The following PHIP variants were observed in gnomAD, a reference collection of about 807,000 sequenced individuals.
The protein encoded by PHIP is PH-interacting protein.
PHIP carries 54 observed loss-of-function variants against 236.8 expected under a neutral mutation model. That is an observed-to-expected ratio of 0.23 (90% CI 0.18 to 0.29). PHIP has a LOEUF of 0.29. Among genes scored for constraint, PHIP ranks in the 10% least tolerant of loss-of-function variants. The probability of loss-of-function intolerance (pLI) is 1.00; values close to 1 mark genes in which losing one functional copy is unlikely to be tolerated. For missense variants in PHIP, 1,370 were observed against 2,190.8 expected, an observed-to-expected ratio of 0.63 and a Z score of 7.48; for synonymous variants, 756 against 718.9, an observed-to-expected ratio of 1.05 and a Z score of -0.83.
Position 78,937,605 on chromosome 6 carries a change from AAGAC to A in PHIP, c.*3084_*3087del, listed in dbSNP as rs1773323584. 1 of 151,768 alleles carries A rather than the reference AAGAC, an allele frequency of 6.6e-6. No homozygotes were observed. The highest frequency in any genetic ancestry group is 1.5e-5 in the Non-Finnish European group (1 of 67,680). The allele number at this position is 151,768 out of a possible 1,614,324, so 9.4% of individuals were successfully genotyped here. On this transcript the variant is annotated 3_prime_UTR_variant, in exon 40 of 40. Transcript: ENST00000275034. ...CATACTTATTTACTTGGATTGGAGG[AAGAC>A]AGTTTTATAATAATGCCAGCAGTCT...
chr6:78,990,560 C>T (rs925547548), intron 20 of PHIP, among the ~76,000 whole-genome samples: 2 of 151,988 alleles, frequency 1.3e-5, no homozygotes, highest in Non-Finnish European at 2.9e-5. Flanking sequence ...TATTTTTAGA[C>T]TGTACAAAGA....
Position 78,946,078 on chromosome 6 carries a change from G to C in PHIP, c.4553C>G (p.Thr1518Ser), listed in dbSNP as rs1188232817. The change falls in exon 38 of 40, where the codon ACT (threonine) becomes AGT (serine). Residue 1518 changes from threonine to serine, a missense_variant. Thr to Ser is a moderately conservative substitution (Grantham distance 58). Around this residue, in one of 14 missense-constraint regions of PHIP, gnomAD observed 309 missense variants for 328.3 expected, o/e 0.94. Transcript: ENST00000275034. The stretch of plus-strand genomic sequence containing the variant: ...AGCTGAAGAAGTAGATGGTTGCTCA[G>C]TGACAACTGGATCTACAACCACTCG... ...SNRVVVDPVV[T>S]EQPSTSSAAK... 1 of 1,612,926 alleles carries C rather than the reference G, an allele frequency of 6.2e-7. No homozygotes were observed. The highest frequency in any genetic ancestry group is 1.7e-5 in the Admixed American group (1 of 60,004).
chr6:79,035,911 CAT>C (rs200432635), intron 7 of PHIP, among the ~76,000 whole-genome samples: 5,593 of 152,268 alleles, frequency 0.037, 102 homozygotes, highest in Middle Eastern at 0.058. Context: ...CATTTCAACA[CAT>C]GTCTGATTTC....
chr6:79,021,550 A>G (rs1439237758), intron 9 of PHIP, among the ~76,000 whole-genome samples: 1 of 152,276 alleles, frequency 6.6e-6, no homozygotes, highest in Non-Finnish European at 1.5e-5. Context: ...AGCCATAAAA[A>G]AAGAATGAAA....
chr6:79,005,004 A>G (rs1342354653), intron 15 of PHIP, among the ~76,000 whole-genome samples: 1 of 152,104 alleles, frequency 6.6e-6, no homozygotes, highest in Non-Finnish European at 1.5e-5. Context: ...CCTCAAAAAG[A>G]AAGCTAGCTT....
chr6:78,948,685 G>A (rs750322723), intron 35 of PHIP, among the ~76,000 whole-genome samples: 1 of 152,032 alleles, frequency 6.6e-6, no homozygotes, highest in African/African-American at 2.4e-5. Context: ...TGTAGAGACG[G>A]GTCTTAGCAT....
At chr6:78,960,397 A>T (rs1330364616) in intron 31 of PHIP, among the ~76,000 whole-genome samples, 1 of 151,448 alleles carries the variant, frequency 6.6e-6, no homozygotes, top group Non-Finnish European at 1.5e-5. Flanking sequence ...TTAATTTCCA[A>T]TCTTTAGCAA....
chr6:78,992,048 G>GC (rs532948551), intron 19 of PHIP, among the ~76,000 whole-genome samples: 1 of 148,220 alleles, frequency 6.7e-6, no homozygotes, highest in Admixed American at 6.8e-5. Context: ...TGCAGGCTCT[G>GC]CCCCCCGGGG....
intron 4 of PHIP, among the ~76,000 whole-genome samples, chr6:79,070,071 T>C (rs1369578180): frequency 6.6e-6 from 1 of 152,146 alleles, no homozygotes; most frequent in African/African-American, 2.4e-5. Context: ...AGAGACTCTA[T>C]TCAGAATTGA....
chr6:79,061,091 A>G (rs1433112571), intron 4 of PHIP, among the ~76,000 whole-genome samples: 2 of 152,170 alleles, frequency 1.3e-5, no homozygotes, highest in Non-Finnish European at 2.9e-5. Flanking sequence ...ATATCTTTCA[A>G]TCATAAAATA....
chr6:78,971,025 T>A, intron 24 of PHIP, 137 bp from the exon 25 acceptor site: 1 of 614,670 alleles, frequency 1.6e-6, no homozygotes, highest in Non-Finnish European at 2.8e-6. Context: ...TCCCTCCTCC[T>A]TTCTCTCAAG....
In PHIP at chr6:78,935,378, TAGTC is replaced by T; in HGVS notation, c.*5311_*5314del. Reference sequence around the variant, plus strand: ...GTCTTCATGCTAAAATTGGGATTCTTAGTCAATAAAAATGCATGCCAATCTGACA... The same window carrying T: ...GTCTTCATGCTAAAATTGGGATTCTTAATAAAAATGCATGCCAATCTGACA... On this transcript the variant is annotated 3_prime_UTR_variant, in exon 40 of 40. Transcript: ENST00000275034. The T allele has an allele frequency of 6.3e-6, 2 of 315,846 alleles. No homozygotes were observed. The highest frequency in any genetic ancestry group is 1.3e-4 in the South Asian group (1 of 7,954). 19.6% of individuals were successfully genotyped at this position (315,846 alleles called of 1,614,324 possible).
intron 33 of PHIP, 135 bp from the exon 34 acceptor site, chr6:78,955,417 T>A (rs534873295): frequency 1.5e-6 from 1 of 645,438 alleles, no homozygotes; most frequent in South Asian, 2.7e-5. Context: ...TATTGACTCA[T>A]TAAAAAGGTT....
At chr6:79,076,628 C>T (rs1212357167) in intron 4 of PHIP, among the ~76,000 whole-genome samples, 2 of 151,910 alleles carry the variant, frequency 1.3e-5, no homozygotes, top group African/African-American at 4.8e-5. Flanking sequence ...AAAATATGTC[C>T]CAATATAAAC....
chr6:78,963,657 A>G (rs1044444925), intron 29 of PHIP, among the ~76,000 whole-genome samples: 9 of 152,186 alleles, frequency 5.9e-5, no homozygotes, highest in Admixed American at 5.9e-4. Context: ...CAAAGCTTCA[A>G]TTTTTGAATG....
In PHIP at chr6:79,054,436, G is replaced by A. The variant is rs1359998550; in HGVS notation, c.439+6042C>T. 6.7e-5 allele frequency among the ~76,000 whole-genome samples: 10 copies of A among 150,274 alleles called. No homozygotes were observed. The East Asian group carries it at 1.7e-3, about 26-fold the overall frequency. ...CTCTAAAAGTAAAAATGGTTACTGA[G>A]AAACAATAGGTTAAAATAAATATAT... On this transcript the variant is annotated intron_variant, in intron 6 of 39. Transcript: ENST00000275034.
At chr6:78,946,603 T>A (rs1478114655) in intron 37 of PHIP, 108 bp downstream of exon 37, 3 of 1,433,144 alleles carry the variant, frequency 2.1e-6, no homozygotes, top group Non-Finnish European at 2.7e-6. Flanking sequence ...TGTCAAATTA[T>A]CATTCTGCAA....
chr6:78,949,365 C>T (rs1450937838), intron 35 of PHIP, among the ~76,000 whole-genome samples: 1 of 152,034 alleles, frequency 6.6e-6, no homozygotes, highest in Non-Finnish European at 1.5e-5. Context: ...ATATACATAC[C>T]AATGAATCCC....
chr6:79,014,715 C>CTAGAAGA (rs377734098), intron 15 of PHIP, among the ~76,000 whole-genome samples: 31 of 151,774 alleles, frequency 2.0e-4, no homozygotes, highest in African/African-American at 7.2e-4. Context: ...TTCTATTGTG[C>CTAGAAGA]TAGAAGACTA....
Sources: gnomAD v4.1 joint callset for allele counts (sites outside exome capture counted in the v4.1 genomes callset) on GRCh38, gnomAD v4.1.1 for gene constraint, gnomAD v4.1.1 regional missense constraint, MANE v1.5 for transcripts, NCBI Gene and HGNC (gene_info 2026-07-23, HGNC 2026-07-21) for gene names.